PLA2R1: variants seen among roughly 807,000 people sequenced by gnomAD.
PLA2R1 encodes phospholipase A2 receptor 1.
Under a neutral mutation model 195.9 loss-of-function variants are expected in PLA2R1, and 158 were observed. That is an observed-to-expected ratio of 0.81 (90% CI 0.71 to 0.92). The LOEUF (loss-of-function observed/expected upper bound fraction) is 0.92. Ranked by LOEUF, PLA2R1 falls within the 40% of genes least tolerant of loss-of-function variation. PLA2R1 has a pLI of 0.00. For synonymous variants in PLA2R1, 586 were observed against 598.2 expected, an observed-to-expected ratio of 0.98 and a Z score of 0.30; for missense variants, 1,626 against 1,764.6, an observed-to-expected ratio of 0.92 and a Z score of 1.41.
chr2:159,970,030 A>C, intron 18 of PLA2R1, 118 bp downstream of exon 18: 1 of 638,584 alleles, frequency 1.6e-6, no homozygotes, highest in South Asian at 2.1e-5. Context: ...GAGAAGTGAA[A>C]ATTTATAAGT....
intron 10 of PLA2R1, among the ~76,000 whole-genome samples, chr2:160,006,582 G>T (rs552607509): frequency 1.3e-5 from 2 of 151,350 alleles, no homozygotes; most frequent in South Asian, 4.2e-4. Flanking sequence ...GCTTCCACAT[G>T]CACACCTACT....
chr2:159,992,583 T>C (rs1690895621), intron 11 of PLA2R1, among the ~76,000 whole-genome samples: 1 of 149,906 alleles, frequency 6.7e-6, no homozygotes, highest in South Asian at 2.2e-4. Flanking sequence ...AAAATGGCCA[T>C]ACTGCCCAAG....
At chr2:159,960,251 C>T (rs1688349493) in intron 20 of PLA2R1, among the ~76,000 whole-genome samples, 1 of 152,120 alleles carries the variant, frequency 6.6e-6, no homozygotes, top group Non-Finnish European at 1.5e-5. Flanking sequence ...CAGTCAGGTC[C>T]TCTGGCTATA....
At chr2:159,963,306 C>T (rs769089172) in intron 20 of PLA2R1, among the ~76,000 whole-genome samples, 1 of 152,118 alleles carries the variant, frequency 6.6e-6, no homozygotes, top group East Asian at 1.9e-4. Context: ...CACACAGGGG[C>T]AAATCTTCAT....
Position 159,983,961 on chromosome 2 carries a change from A to C in PLA2R1, c.2150T>G (p.Phe717Cys). Residue 717 changes from phenylalanine (F) to cysteine (C), a missense_variant, in exon 13 of 30, where the codon TTT becomes TGT. Coordinates refer to ENST00000283243, the MANE Select transcript of PLA2R1 (RefSeq NM_007366.5). ...TTTTGAATGTAAGAGCTCATTCACA[A>C]AATTCTCTTCCTCAATATGGGCAAA... ...ASFAHIEEEN[F>C]VNELLHSKFN... The C allele has an allele frequency of 1.9e-6, 3 of 1,594,502 alleles. No individual in the cohort carries two copies. Among genetic ancestry groups the C allele is most frequent in the Non-Finnish European group, 2.6e-6 (3 of 1,164,806 alleles).
At chr2:160,013,707 C>CTGTGTG (rs1162685609) in intron 9 of PLA2R1, among the ~76,000 whole-genome samples, 172 of 45,572 alleles carry the variant, frequency 3.8e-3, no homozygotes, top group African/African-American at 0.011. Context: ...CTCTCTGTCT[C>CTGTGTG]TCTCTCTCTC....
At position 159,956,640 on chromosome 2, in the gene PLA2R1, G is replaced by A. The variant is rs200755994; in HGVS notation, c.2905-13C>T. The A allele has an allele frequency of 9.9e-5, 144 of 1,461,486 alleles. No individual in the cohort carries two copies. In the Middle Eastern group the frequency reaches 1.2e-3, roughly 12 times the overall value. The allele number at this position is 1,461,486 out of a possible 1,614,324, so 90.5% of individuals were successfully genotyped here. On this transcript the variant is annotated splice_polypyrimidine_tract_variant and intron_variant, in intron 20 of 29. Coordinates refer to ENST00000283243, the MANE Select transcript of PLA2R1 (RefSeq NM_007366.5). ...TCAGCAGAAGGCACTATCAAAAAAT[G>A]TCAAAACAAAACATTCATTTCTGTA... is the stretch of plus-strand genomic sequence containing the variant.
intron 14 of PLA2R1, 39 bp from the exon 15 acceptor site, chr2:159,977,455 C>T (rs1052685561): frequency 3.1e-6 from 5 of 1,601,202 alleles, no homozygotes; most frequent in Non-Finnish European, 3.4e-6. Flanking sequence ...AATGATGATC[C>T]CCCCACAAAG....
intron 12 of PLA2R1, among the ~76,000 whole-genome samples, chr2:159,985,855 T>C (rs1690289565): frequency 1.3e-5 from 2 of 152,126 alleles, no homozygotes. Flanking sequence ...CTCTTTTTCT[T>C]GGCAATTCTC....
chr2:160,020,445 G>A (rs185098342), intron 7 of PLA2R1, among the ~76,000 whole-genome samples, 182 bp from the exon 8 acceptor site: 31 of 152,230 alleles, frequency 2.0e-4, no homozygotes, highest in Middle Eastern at 3.4e-3. Flanking sequence ...TCCCTGCTAT[G>A]GTTTGAATGT....
At chr2:159,954,752 G>T (rs1687978100) in intron 23 of PLA2R1, among the ~76,000 whole-genome samples, 1 of 152,052 alleles carries the variant, frequency 6.6e-6, no homozygotes, top group Non-Finnish European at 1.5e-5. Flanking sequence ...GAAACCATTT[G>T]GGGGTTCTGC....
intron 1 of PLA2R1, 54 bp from the exon 2 acceptor site, chr2:160,045,211 G>C (rs972616687): frequency 7.3e-7 from 1 of 1,366,988 alleles, no homozygotes; most frequent in Non-Finnish European, 1.0e-6. Context: ...ATTAACTAGC[G>C]TCATGAGGAT....
chr2:160,050,952 C>T (rs1695176656), intron 1 of PLA2R1, among the ~76,000 whole-genome samples: 1 of 152,174 alleles, frequency 6.6e-6, no homozygotes. Flanking sequence ...TTAGTGTTCC[C>T]TTTAGCTTTA....
At chr2:160,060,724 G>A (rs1184671940) in intron 1 of PLA2R1, among the ~76,000 whole-genome samples, 1 of 152,194 alleles carries the variant, frequency 6.6e-6, no homozygotes, top group Admixed American at 6.5e-5. Flanking sequence ...ACATATAGAA[G>A]GGATTAGCCC....
In PLA2R1 at chr2:159,937,958, C is replaced by G. The variant is rs1388431825; in HGVS notation, c.*3820G>C. On this transcript the variant is annotated 3_prime_UTR_variant, in exon 30 of 30. Coordinates refer to ENST00000283243, the MANE Select transcript of PLA2R1 (RefSeq NM_007366.5). ...CCCATAGTAAGATCTGAAATGAAAG[C>G]CATTTCTTTTTCTTTTTCTTTTTAA... 6.6e-6 allele frequency: 1 copy of G among 152,020 alleles called. No homozygotes were observed. The allele number at this position is 152,020 out of a possible 1,614,324, so 9.4% of individuals were successfully genotyped here. A position where few individuals can be genotyped will look rare whatever the true frequency, so the allele number is the denominator to read the frequency against.
intron 11 of PLA2R1, among the ~76,000 whole-genome samples, chr2:159,988,008 T>C (rs1347212479): frequency 6.6e-6 from 1 of 152,164 alleles, no homozygotes; most frequent in Non-Finnish European, 1.5e-5. Flanking sequence ...TATTGGAAAA[T>C]GTGATATACT....
intron 17 of PLA2R1, among the ~76,000 whole-genome samples, chr2:159,971,654 G>A (rs556472160): frequency 3.9e-5 from 6 of 152,140 alleles, no homozygotes; most frequent in Admixed American, 2.0e-4. Flanking sequence ...TGAACTGTAA[G>A]TTAATTTTTA....
At chr2:160,053,634 C>T (rs1380102771) in intron 1 of PLA2R1, among the ~76,000 whole-genome samples, 3 of 152,238 alleles carry the variant, frequency 2.0e-5, no homozygotes, top group Non-Finnish European at 4.4e-5. Flanking sequence ...TACTGCCTTG[C>T]ACTGCCCCGA....
At chr2:159,986,349 G>C (rs1690334268) in intron 12 of PLA2R1, among the ~76,000 whole-genome samples, 1 of 152,116 alleles carries the variant, frequency 6.6e-6, no homozygotes, top group African/African-American at 2.4e-5. Flanking sequence ...CTGGTTCCAA[G>C]CATTTCAGAA....
Sources: allele counts gnomAD v4.1 joint callset (sites outside exome capture counted in the v4.1 genomes callset), GRCh38; gene constraint gnomAD v4.1.1; transcripts MANE v1.5; gene names NCBI Gene and HGNC (gene_info 2026-07-23, HGNC 2026-07-21).